Variants in TMEM132B observed in about 807,000 individuals in gnomAD.
TMEM132B encodes the protein transmembrane protein 132B.
Under a neutral mutation model 90.8 loss-of-function variants are expected in TMEM132B, and 18 were observed. That is an observed-to-expected ratio of 0.20 (90% confidence interval 0.14 to 0.29). The LOEUF (loss-of-function observed/expected upper bound fraction) is 0.29, where lower values mean the gene tolerates loss of function less well. TMEM132B is among the 10% of genes least tolerant of loss of function. The probability of loss-of-function intolerance (pLI) is 1.00; values close to 1 mark genes in which losing one functional copy is unlikely to be tolerated. For missense variants in TMEM132B, 1,096 were observed against 1,326.8 expected, an observed-to-expected ratio of 0.83 and a Z score of 2.70; for synonymous variants, 504 against 523.3, an observed-to-expected ratio of 0.96 and a Z score of 0.50.
chr12:125,381,982 T>C (rs1228838885), intron 2 of TMEM132B, among the ~76,000 whole-genome samples: 2 of 152,188 alleles, frequency 1.3e-5, no homozygotes, highest in Non-Finnish European at 2.9e-5. Context: ...TCTTGCCAAT[T>C]ACTTTCCCTG....
At chr12:125,615,122 A>C (rs1885955281) in intron 5 of TMEM132B, among the ~76,000 whole-genome samples, 1 of 152,044 alleles carries the variant, frequency 6.6e-6, no homozygotes, top group South Asian at 2.1e-4. Flanking sequence ...TTTGTCTTTC[A>C]TAATTTTTAC....
At chr12:125,326,404 T>G in intron 1 of TMEM132B, 1 of 607,934 alleles carries the variant, frequency 1.6e-6, no homozygotes. Context: ...CAGACTTGGT[T>G]GAAAAAGTCA....
intron 1 of TMEM132B, among the ~76,000 whole-genome samples, chr12:125,270,538 G>C (rs1009153745): frequency 6.6e-6 from 1 of 152,156 alleles, no homozygotes; most frequent in Non-Finnish European, 1.5e-5. Flanking sequence ...AGGAGAGGAG[G>C]GAAGAATGAA....
intron 5 of TMEM132B, among the ~76,000 whole-genome samples, chr12:125,606,342 C>A: frequency 7.0e-6 from 1 of 142,288 alleles, no homozygotes; most frequent in South Asian, 2.2e-4. Context: ...GCTCATGCGA[C>A]AGGGAAAGAT....
chr12:125,597,189 A>G (rs1885459953), intron 5 of TMEM132B, among the ~76,000 whole-genome samples: 1 of 152,236 alleles, frequency 6.6e-6, no homozygotes, highest in African/African-American at 2.4e-5. Flanking sequence ...ATAATTGTTA[A>G]TATTCATCAT....
At chr12:125,220,154 T>C (rs1300047626) in intron 1 of TMEM132B, among the ~76,000 whole-genome samples, 1 of 152,264 alleles carries the variant, frequency 6.6e-6, no homozygotes, top group East Asian at 1.9e-4. Context: ...CATGTTTTTA[T>C]TTTCTCCACT....
chr12:125,564,988 G>A (rs1412536518), intron 4 of TMEM132B, among the ~76,000 whole-genome samples: 1 of 152,158 alleles, frequency 6.6e-6, no homozygotes, highest in Non-Finnish European at 1.5e-5. Flanking sequence ...GGGAGGAGGA[G>A]GAATACAACC....
At chr12:125,520,487 A>G (rs78268368) in intron 4 of TMEM132B, among the ~76,000 whole-genome samples, 2,255 of 152,248 alleles carry the variant, frequency 0.015, 38 homozygotes, top group Non-Finnish European at 0.021. Context: ...CTTAGAATTA[A>G]TTCTGCCATC....
chr12:125,616,115 T>A (rs1421002472), intron 5 of TMEM132B, among the ~76,000 whole-genome samples: 1 of 110,148 alleles, frequency 9.1e-6, no homozygotes, highest in East Asian at 3.2e-4. Context: ...TAGGCCCCAG[T>A]GTGTGATGTT....
chr12:125,268,146 C>T (rs1042364990), intron 1 of TMEM132B, among the ~76,000 whole-genome samples: 1 of 152,214 alleles, frequency 6.6e-6, no homozygotes, highest in African/African-American at 2.4e-5. Flanking sequence ...TGGTGTTATC[C>T]TCTGACTGGC....
chr12:125,437,472 A>G (rs1359030247), intron 3 of TMEM132B, among the ~76,000 whole-genome samples: 1 of 152,152 alleles, frequency 6.6e-6, no homozygotes, highest in African/African-American at 2.4e-5. Context: ...GCTGGTTCAT[A>G]TGGTAATTCT....
intron 1 of TMEM132B, among the ~76,000 whole-genome samples, chr12:125,296,663 C>T (rs572683498): frequency 2.0e-4 from 31 of 152,224 alleles, no homozygotes; most frequent in Non-Finnish European, 2.9e-4. Flanking sequence ...CTCAAATGCT[C>T]GGCATAGAAC....
intron 1 of TMEM132B, among the ~76,000 whole-genome samples, chr12:125,226,830 A>C (rs1873691260): frequency 6.6e-6 from 1 of 152,208 alleles, no homozygotes; most frequent in Non-Finnish European, 1.5e-5. Flanking sequence ...ACCAGGTCCC[A>C]GATGTCACAT....
chr12:125,430,996 C>T (rs1327111461), intron 3 of TMEM132B, among the ~76,000 whole-genome samples: 1 of 152,014 alleles, frequency 6.6e-6, no homozygotes, highest in African/African-American at 2.4e-5. Flanking sequence ...TGGCCGGCCC[C>T]AGTATGGTCA....
chr12:125,590,243 G>A (rs765818026), intron 5 of TMEM132B, among the ~76,000 whole-genome samples: 2 of 152,086 alleles, frequency 1.3e-5, no homozygotes, highest in Non-Finnish European at 1.5e-5. Context: ...TGCAAGAATG[G>A]CCTAACACAA....
intron 4 of TMEM132B, among the ~76,000 whole-genome samples, chr12:125,541,027 C>T (rs1191458451): frequency 1.3e-5 from 2 of 152,228 alleles, no homozygotes; most frequent in African/African-American, 4.8e-5. Context: ...CTCTGCCTGG[C>T]CTTCTCTTCC....
chr12:125,215,076 T>C (rs1873403669), intron 1 of TMEM132B, among the ~76,000 whole-genome samples: 1 of 152,220 alleles, frequency 6.6e-6, no homozygotes, highest in Non-Finnish European at 1.5e-5. Context: ...TGCCAGCCTC[T>C]TGGTGCTACA....
chr12:125,191,528 C>T (rs1358777833), intron 1 of TMEM132B, among the ~76,000 whole-genome samples: 4 of 152,138 alleles, frequency 2.6e-5, no homozygotes, highest in Admixed American at 6.5e-5. Flanking sequence ...TGGTGTGGCC[C>T]GGCCTCTGAA....
intron 2 of TMEM132B, among the ~76,000 whole-genome samples, chr12:125,352,658 C>T (rs1877628057): frequency 6.6e-6 from 1 of 152,188 alleles, no homozygotes; most frequent in African/African-American, 2.4e-5. Flanking sequence ...TTGTTGTTTC[C>T]CTGGCATTCA....
Sources: gnomAD v4.1 joint callset for allele counts (sites outside exome capture counted in the v4.1 genomes callset) on GRCh38, gnomAD v4.1.1 for gene constraint, MANE v1.5 for transcripts, NCBI Gene and HGNC (gene_info 2026-07-23, HGNC 2026-07-21) for gene names.